The following TFEC variants were observed in gnomAD, a reference collection of about 807,000 sequenced individuals.
TFEC encodes the protein transcription factor EC.
TFEC carries 31 observed loss-of-function variants against 41.6 expected under a neutral mutation model. The observed-to-expected ratio is 0.74, with a 90% CI of 0.56 to 1.01. The LOEUF (loss-of-function observed/expected upper bound fraction) is 1.01, where lower values mean the gene tolerates loss of function less well. Ranked by LOEUF, TFEC falls within the 50% of genes least tolerant of loss-of-function variation. The pLI is 0.00. For missense variants in TFEC, 402 were observed against 404.1 expected, an observed-to-expected ratio of 0.99 and a Z score of 0.04; for synonymous variants, 143 against 140.6, an observed-to-expected ratio of 1.02 and a Z score of -0.12.
chr7:116,050,455 A>G (rs369439517), intron 3 of TFEC, among the ~76,000 whole-genome samples: 47 of 152,300 alleles, frequency 3.1e-4, no homozygotes, highest in Non-Finnish European at 5.6e-4. Context: ...TACAAGAAAA[A>G]ATCAAACAAC....
intron 3 of TFEC, among the ~76,000 whole-genome samples, chr7:116,039,358 T>C (rs748852794): frequency 1.6e-4 from 24 of 150,896 alleles, no homozygotes; most frequent in Non-Finnish European, 3.4e-4. Context: ...AGGCAGATAG[T>C]TGAAGATGAT....
intron 3 of TFEC, among the ~76,000 whole-genome samples, chr7:116,076,593 C>G (rs547944039): frequency 2.6e-5 from 4 of 151,982 alleles, no homozygotes; most frequent in Admixed American, 2.6e-4. Context: ...ATCACAACTT[C>G]TGGAAATCAC....
At chr7:116,013,811 T>C (rs1795092890) in intron 1 of TFEC, among the ~76,000 whole-genome samples, 2 of 152,074 alleles carry the variant, frequency 1.3e-5, no homozygotes, top group South Asian at 4.1e-4. Flanking sequence ...TCATTTGGAG[T>C]TGCTTTCCAA....
intron 3 of TFEC, among the ~76,000 whole-genome samples, chr7:116,071,358 A>C (rs1280411525): frequency 2.0e-5 from 3 of 151,092 alleles, no homozygotes; most frequent in Admixed American, 2.0e-4. Context: ...TTAAAAAAAA[A>C]AAACCTGAAT....
chr7:116,053,732 C>G (rs539935933), intron 3 of TFEC, among the ~76,000 whole-genome samples: 3 of 152,330 alleles, frequency 2.0e-5, no homozygotes, highest in South Asian at 4.1e-4. Context: ...TCTGGACTCT[C>G]TAGAAATTTC....
At chr7:115,953,170 A>G (rs533195816) in intron 5 of TFEC, among the ~76,000 whole-genome samples, 2 of 152,044 alleles carry the variant, frequency 1.3e-5, no homozygotes, top group Non-Finnish European at 2.9e-5. Context: ...GGGTGCAGAA[A>G]GAACAGTGGG....
intron 3 of TFEC, among the ~76,000 whole-genome samples, chr7:116,054,821 AG>A (rs1441112797): frequency 2.6e-5 from 4 of 152,224 alleles, no homozygotes; most frequent in African/African-American, 9.6e-5. Flanking sequence ...TCTTACTTAC[AG>A]GCTGAACTCC....
At chr7:116,009,287 A>G (rs1264464467) in intron 1 of TFEC, among the ~76,000 whole-genome samples, 2 of 152,168 alleles carry the variant, frequency 1.3e-5, no homozygotes, top group Non-Finnish European at 2.9e-5. Flanking sequence ...ATTAAGACAG[A>G]GACTGTCAAC....
chr7:116,040,167 A>G (rs1352464143), intron 3 of TFEC, among the ~76,000 whole-genome samples: 1 of 152,150 alleles, frequency 6.6e-6, no homozygotes, highest in Non-Finnish European at 1.5e-5. Flanking sequence ...GAAAATAAAC[A>G]TAGGAAAAAC....
chr7:116,015,225 T>C (rs1473262144), intron 1 of TFEC, among the ~76,000 whole-genome samples: 2 of 151,974 alleles, frequency 1.3e-5, no homozygotes, highest in Admixed American at 6.6e-5. Flanking sequence ...GCTGGTGCCA[T>C]GGTATTTCCC....
intron 1 of TFEC, among the ~76,000 whole-genome samples, chr7:116,156,738 G>T (rs931864619): frequency 6.6e-6 from 1 of 152,128 alleles, no homozygotes. Flanking sequence ...TATGAATAGA[G>T]CCCAGAATGT....
chr7:115,985,560 T>C (rs11767382), intron 1 of TFEC, among the ~76,000 whole-genome samples: 56,062 of 151,928 alleles, frequency 0.37, 11,221 homozygotes, highest in Non-Finnish European at 0.45. Flanking sequence ...TCCCTTAACA[T>C]GCATTAGCCC....
chr7:115,945,633 T>C lies in TFEC; in HGVS notation c.516-3593A>G, dbSNP rs938227495. Among the ~76,000 whole-genome samples the C allele has an allele frequency of 2.6e-5, 4 of 151,800 alleles. 1 individual carries two copies. The highest frequency in any genetic ancestry group is 2.6e-4 in the Admixed American group (4 of 15,238). The stretch of plus-strand genomic sequence containing the variant: ...ACATATTCAACATCTAATTAATGTG[T>C]TTTCCATTAGACCCCAAATAAATGT... On this transcript the variant is annotated intron_variant, in intron 6 of 7. Coordinates refer to ENST00000265440, the MANE Select transcript of TFEC (RefSeq NM_012252.4).
chr7:116,123,961 A>T (rs968087988), intron 1 of TFEC, among the ~76,000 whole-genome samples: 3 of 152,184 alleles, frequency 2.0e-5, no homozygotes, highest in African/African-American at 4.8e-5. Context: ...CTGATATAGA[A>T]ATGGATAGAT....
At chr7:115,996,868 G>A (rs1248923910) in intron 1 of TFEC, among the ~76,000 whole-genome samples, 2 of 152,166 alleles carry the variant, frequency 1.3e-5, no homozygotes, top group Non-Finnish European at 2.9e-5. Context: ...GGAAAAGAAA[G>A]AGTGGGAAGG....
At chr7:116,131,850 C>T (rs768691901) in intron 1 of TFEC, among the ~76,000 whole-genome samples, 12 of 152,162 alleles carry the variant, frequency 7.9e-5, no homozygotes, top group Non-Finnish European at 1.2e-4. Flanking sequence ...GAGATATTAA[C>T]GCACATTAAA....
At chr7:116,066,119 T>C (rs945587542) in intron 3 of TFEC, among the ~76,000 whole-genome samples, 1 of 152,206 alleles carries the variant, frequency 6.6e-6, no homozygotes, top group Non-Finnish European at 1.5e-5. Flanking sequence ...TATAGCCTAA[T>C]GGCTCCAGTG....
intron 1 of TFEC, among the ~76,000 whole-genome samples, chr7:115,994,543 A>G (rs538263377): frequency 1.3e-5 from 2 of 152,318 alleles, no homozygotes; most frequent in East Asian, 3.9e-4. Flanking sequence ...AAAAGTGGGC[A>G]AAGGATATGA....
At chr7:115,973,174 G>C (rs1262862817) in intron 3 of TFEC, among the ~76,000 whole-genome samples, 2 of 151,912 alleles carry the variant, frequency 1.3e-5, no homozygotes, top group Non-Finnish European at 2.9e-5. Flanking sequence ...CTGGTGACTT[G>C]ACTAGCACTA....
Sources: gnomAD v4.1 joint callset for allele counts (sites outside exome capture counted in the v4.1 genomes callset) on GRCh38, gnomAD v4.1.1 for gene constraint, MANE v1.5 for transcripts, NCBI Gene and HGNC (gene_info 2026-07-23, HGNC 2026-07-21) for gene names.